The following CNTNAP3 variants were observed in gnomAD, a reference collection of about 807,000 sequenced individuals.
CNTNAP3 encodes the protein contactin-associated protein-like 3.
A neutral mutation model predicts 92.1 loss-of-function variants in CNTNAP3; 36 were observed. The observed-to-expected ratio is 0.39, with a 90% CI of 0.30 to 0.52. CNTNAP3 has a LOEUF of 0.52. Among genes scored for constraint, CNTNAP3 ranks in the 20% least tolerant of loss-of-function variants. CNTNAP3 has a pLI of 0.76. For missense variants in CNTNAP3, 534 were observed against 1,069.6 expected (o/e 0.50, Z 6.98); for synonymous variants, 232 against 422.3 (o/e 0.55, Z 5.53).
intron 14 of CNTNAP3, among the ~76,000 whole-genome samples, chr9:39,111,478 G>A (rs1357433756): frequency 2.0e-5 from 3 of 152,104 alleles, no homozygotes; most frequent in Non-Finnish European, 2.9e-5. Flanking sequence ...TTAAGATTCT[G>A]TTATTCATTT....
intron 13 of CNTNAP3, among the ~76,000 whole-genome samples, chr9:39,119,552 C>G (rs1317030415): frequency 6.6e-6 from 1 of 152,138 alleles, no homozygotes; most frequent in African/African-American, 2.4e-5. Context: ...AAAACACTCA[C>G]TATATCCTAA....
chr9:39,065,732 T>C lies in CNTNAP3; in HGVS notation c.*8158A>G, dbSNP rs1194476877. On this transcript the variant is annotated 3_prime_UTR_variant, in exon 24 of 24. Coordinates refer to ENST00000297668, the MANE Select transcript of CNTNAP3 (RefSeq NM_033655.5). ...CTTAATGACAAAACGATATTGAACA[T>C]TTTTGTGTGCTTTTTGTCCACTGGC... Among the ~76,000 whole-genome samples, 3 of 152,254 alleles carry C rather than the reference T, an allele frequency of 2.0e-5. No individual in the cohort carries two copies. The highest frequency in any genetic ancestry group is 3.8e-4 in the East Asian group (2 of 5,206).
intron 18 of CNTNAP3, among the ~76,000 whole-genome samples, chr9:39,098,616 C>T: frequency 6.6e-6 from 1 of 152,154 alleles, no homozygotes; most frequent in Non-Finnish European, 1.5e-5. Context: ...GGAGTGGTTA[C>T]TCCTGATGTT....
chr9:39,255,690 T>G (rs1408983944), intron 2 of CNTNAP3, among the ~76,000 whole-genome samples: 1 of 49,388 alleles, frequency 2.0e-5, no homozygotes, highest in African/African-American at 4.0e-5. Context: ...TGTGCAACCA[T>G]CACTACCATC....
chr9:39,124,300 G>T (rs1041513013), intron 13 of CNTNAP3, among the ~76,000 whole-genome samples: 4 of 152,114 alleles, frequency 2.6e-5, no homozygotes, highest in Non-Finnish European at 5.9e-5. Context: ...TATTCTAGGA[G>T]AAGTGAGGAT....
chr9:39,149,929 C>T lies in CNTNAP3; in HGVS notation c.1526G>A (p.Gly509Glu), dbSNP rs1274812038. 5.0e-6 allele frequency: 8 copies of T among 1,611,514 alleles called. No individual in the cohort carries two copies. The highest frequency in any genetic ancestry group is 1.7e-5 in the Admixed American group (1 of 59,932). The change falls in exon 10 of 24, where the codon GGG becomes GAG. Residue 509 changes from glycine to glutamate, a missense_variant. Coordinates refer to ENST00000297668, the MANE Select transcript of CNTNAP3 (RefSeq NM_033655.5). The part of the protein sequence containing the change: ...SGSGCKSPLG[G>E]FQGCLRLITI... ...GATGAGCCTTAGGCAGCCCTGAAACCCTCCCAGGGGGCTTTTACATCCAGA... is the reference window on the plus strand; with the variant it reads ...GATGAGCCTTAGGCAGCCCTGAAACTCTCCCAGGGGGCTTTTACATCCAGA...
At position 39,072,964 on chromosome 9, in the gene CNTNAP3, G is replaced by A. The variant is rs1433881608; in HGVS notation, c.*926C>T. On this transcript the variant is annotated 3_prime_UTR_variant, in exon 24 of 24. Coordinates refer to ENST00000297668, the MANE Select transcript of CNTNAP3 (RefSeq NM_033655.5). ...TCACGTCTTAATGATATAAATAAAG[G>A]ATAACTCTGTGTAAGAAGTATTGTT... 2.6e-5 allele frequency: 4 copies of A among 152,738 alleles called. No homozygotes were observed. Among genetic ancestry groups the A allele is most frequent in the African/African-American group, 7.2e-5 (3 of 41,488 alleles). The allele number at this position is 152,738 out of a possible 1,614,324, so 9.5% of individuals were successfully genotyped here. A position where few individuals can be genotyped will look rare whatever the true frequency, so the allele number is the denominator to read the frequency against.
intron 12 of CNTNAP3, among the ~76,000 whole-genome samples, chr9:39,134,719 C>G (rs1194079150): frequency 6.6e-6 from 1 of 152,174 alleles, no homozygotes; most frequent in Non-Finnish European, 1.5e-5. Context: ...TGAGCCACCA[C>G]GCCTGGCCTC....
At chr9:39,114,806 T>C (rs999840579) in intron 14 of CNTNAP3, among the ~76,000 whole-genome samples, 8 of 152,090 alleles carry the variant, frequency 5.3e-5, no homozygotes, top group Middle Eastern at 3.4e-3. Context: ...CTATTTAAAT[T>C]CTTAAGTAAA....
In CNTNAP3 at chr9:39,093,200, C is replaced by A. The variant is rs1345540802; in HGVS notation, c.2996-4553G>T. On this transcript the variant is annotated intron_variant, in intron 18 of 23. Coordinates refer to ENST00000297668, the MANE Select transcript of CNTNAP3 (RefSeq NM_033655.5). ...TTGATTGGGTTGCTCAATCGATGAA[C>A]ATTTAATATTATTATTGATACAGTT... Among the ~76,000 whole-genome samples the A allele has an allele frequency of 1.8e-4, 20 of 108,482 alleles. 2 individuals are homozygous for A. The allele number at this position is 108,482 out of a possible 152,430, so 71.2% of individuals were successfully genotyped here. A position where few individuals can be genotyped will look rare whatever the true frequency, so the allele number is the denominator to read the frequency against.
At chr9:39,116,260 C>A (rs1820857248) in intron 14 of CNTNAP3, among the ~76,000 whole-genome samples, 1 of 152,228 alleles carries the variant, frequency 6.6e-6, no homozygotes. Context: ...GCTCTCCTCT[C>A]TGACCTGTAG....
In CNTNAP3 at chr9:39,133,008, G is replaced by A; in HGVS notation, c.2004C>T (p.Ser668=). The A allele has an allele frequency of 6.5e-7, 1 of 1,539,738 alleles. No individual in the cohort carries two copies. The highest frequency in any genetic ancestry group is 8.7e-7 in the Non-Finnish European group (1 of 1,150,492). ...CGCAGCGCTCCGCCAGGTTCACCGC[G>A]GACCGCAGCTGCCCCGCGCCCGCTG... ...AYAAGAGQLR[S]AVNLAERCEQ... is the part of the protein sequence containing the mutation. The change falls in exon 13 of 24, where the codon TCC becomes TCT. Residue 668 remains serine (S), a synonymous_variant. Coordinates refer to ENST00000297668, the MANE Select transcript of CNTNAP3 (RefSeq NM_033655.5).
chr9:39,092,566 A>G (rs1245975853), intron 18 of CNTNAP3, among the ~76,000 whole-genome samples: 1 of 136,300 alleles, frequency 7.3e-6, no homozygotes, highest in African/African-American at 2.7e-5. Context: ...TTTTCATCTC[A>G]TTGTGTTTTA....
chr9:39,140,915 T>C (rs1438168340), intron 11 of CNTNAP3, among the ~76,000 whole-genome samples: 1 of 152,214 alleles, frequency 6.6e-6, no homozygotes, highest in East Asian at 1.9e-4. Context: ...ACAGTGTATT[T>C]CTATTTTGAG....
In CNTNAP3 at chr9:39,133,126, G is replaced by A. The variant is rs1360706412; in HGVS notation, c.1886C>T (p.Ala629Val). ...GCCACCGTGCTGCACCACCGTCCACGCGGCGTCTGCTGAGCAGAAACGGGC... is the reference window on the plus strand; with the variant it reads ...GCCACCGTGCTGCACCACCGTCCACACGGCGTCTGCTGAGCAGAAACGGGC... ...LVYCNMTADA[A>V]WTVVQHGGPD... The change falls in exon 13 of 24, where the codon GCG becomes GTG. Residue 629 changes from alanine (A) to valine (V), a missense_variant. By Grantham distance (64) the Ala-to-Val change is moderately conservative. Transcript: ENST00000297668. 2.5e-6 allele frequency: 4 copies of A among 1,573,350 alleles called. No homozygotes were observed. Among genetic ancestry groups the A allele is most frequent in the Admixed American group, 1.8e-5 (1 of 54,212 alleles).
chr9:39,152,838 A>AT (rs781497617), intron 9 of CNTNAP3, among the ~76,000 whole-genome samples: 7 of 96,450 alleles, frequency 7.3e-5, no homozygotes, highest in Non-Finnish European at 1.3e-4. Context: ...TTTTTTTTGT[A>AT]TTTTTTTTCA....
rs1284215284 is a variant in CNTNAP3 at position 39,253,020 on chromosome 9, C to T, written c.197-13834G>A. Among the ~76,000 whole-genome samples, 9 of 5,502 alleles carry T rather than the reference C, an allele frequency of 1.6e-3. 1 individual carries two copies. Among genetic ancestry groups the T allele is most frequent in the Admixed American group, 5.0e-3 (1 of 200 alleles). The allele number at this position is 5,502 out of a possible 152,430, so 3.6% of individuals were successfully genotyped here. On this transcript the variant is annotated intron_variant, in intron 2 of 23. Coordinates refer to ENST00000297668, the MANE Select transcript of CNTNAP3 (RefSeq NM_033655.5). ...ATATTCCTGCAACTGAATATACACACACACACACACACACACACACACACA... is the reference window on the plus strand; with the variant it reads ...ATATTCCTGCAACTGAATATACACATACACACACACACACACACACACACA...
chr9:39,120,017 T>C (rs1426532627), intron 13 of CNTNAP3, among the ~76,000 whole-genome samples: 2 of 152,208 alleles, frequency 1.3e-5, no homozygotes, highest in South Asian at 4.2e-4. Context: ...GAGAAGAAAG[T>C]GTGCTGAAAG....
intron 12 of CNTNAP3, among the ~76,000 whole-genome samples, 193 bp downstream of exon 12, chr9:39,140,326 C>G (rs1415526605): frequency 2.6e-5 from 4 of 152,060 alleles, no homozygotes; most frequent in Admixed American, 6.5e-5. Flanking sequence ...AGCACTGAAT[C>G]TTTCCTATAA....
Sources: gnomAD v4.1 joint callset for allele counts (sites outside exome capture counted in the v4.1 genomes callset) on GRCh38, gnomAD v4.1.1 for gene constraint, MANE v1.5 for transcripts, NCBI Gene and HGNC (gene_info 2026-07-23, HGNC 2026-07-21) for gene names.